The following MROH2A variants were observed in gnomAD, a reference collection of about 807,000 sequenced individuals.
MROH2A encodes maestro heat-like repeat-containing protein family member 2A.
A neutral mutation model predicts 200.4 loss-of-function variants in MROH2A; 174 were observed. That is an observed-to-expected ratio of 0.87 (90% CI 0.77 to 0.98). The LOEUF is 0.98. Ranked by LOEUF, MROH2A falls within the 50% of genes least tolerant of loss-of-function variation. The pLI, the probability that MROH2A is intolerant of heterozygous loss-of-function variation, is 0.00. For synonymous variants in MROH2A, 829 were observed against 840.4 expected (o/e 0.99, Z 0.23); for missense variants, 2,045 against 2,139.6 (o/e 0.96, Z 0.87).
Position 233,828,863 on chromosome 2 carries a change from G to A in MROH2A, c.4264-27G>A, listed in dbSNP as rs1158490737. The A allele has an allele frequency of 5.2e-6, 8 of 1,550,158 alleles. No homozygotes were observed. The Admixed American group carries it at 1.6e-4, about 30-fold the overall frequency. ...TGGTCAGCCTGGGAGGGAGGGTGCA[G>A]GCTGAGGGCTGCCCATGCCCCTCCA... On this transcript the variant is annotated intron_variant, in intron 36 of 41. Coordinates refer to ENST00000389758, the MANE Select transcript of MROH2A (RefSeq NM_001394639.1). This position sits in a 1 kb window ranked among gnomAD's most constrained non-coding sequence, Gnocchi z 4.6.
At chr2:233,795,142 G>A (rs149596642) in intron 8 of MROH2A, among the ~76,000 whole-genome samples, 19 of 152,266 alleles carry the variant, frequency 1.2e-4, no homozygotes, top group Admixed American at 3.3e-4. Context: ...GATTCTGGGC[G>A]AGCCTGAATT....
Position 233,832,656 on chromosome 2 carries a change from A to G in MROH2A, c.4903+12A>G. ...AGCATTACGGAATTGTGAGTAGTGG[A>G]GAGTGTTAGATGTTGAGTCCACGAC... is the stretch of plus-strand genomic sequence containing the variant. On this transcript the variant is annotated intron_variant, in intron 41 of 41. Transcript: ENST00000389758. 1 of 1,534,794 alleles carries G rather than the reference A, an allele frequency of 6.5e-7. No individual in the cohort carries two copies. Among genetic ancestry groups the G allele is most frequent in the Non-Finnish European group, 8.8e-7 (1 of 1,134,164 alleles).
At chr2:233,814,164 A>G (rs138904253) in intron 25 of MROH2A, among the ~76,000 whole-genome samples, 8 of 152,336 alleles carry the variant, frequency 5.3e-5, no homozygotes, top group African/African-American at 1.9e-4. Context: ...GAGAAAGTCT[A>G]GGGAAGACTT....
In MROH2A at chr2:233,811,926, G is replaced by A. The variant is rs116409079; in HGVS notation, c.2618G>A (p.Arg873Gln). 1,547 of 1,550,314 alleles carry A rather than the reference G, an allele frequency of 1.0e-3. 4 individuals are homozygous for A. The African/African-American group carries it at 0.014, about 14-fold the overall frequency. The change falls in exon 24 of 42, where the codon CGA (arginine) becomes CAA (glutamine). Residue 873 changes from arginine to glutamine, a missense_variant. Arg to Gln is a conservative substitution (Grantham distance 43). Around this residue, in one of 3 missense-constraint regions of MROH2A, gnomAD observed 1,201 missense variants for 1,311.3 expected, o/e 0.92. Coordinates refer to ENST00000389758, the MANE Select transcript of MROH2A (RefSeq NM_001394639.1). ...ACTGACAACCTGGTTTCTCCAGTGCGAGCCTTGGCGATGGAGGCCCTCTCG... is the reference window on the plus strand; with the variant it reads ...ACTGACAACCTGGTTTCTCCAGTGCAAGCCTTGGCGATGGAGGCCCTCTCG... Reference protein sequence around the residue: ...EPTDNLVSPVRALAMEALSHL... With the variant: ...EPTDNLVSPVQALAMEALSHL...
At chr2:233,821,754 TATA>T (rs35126223) in intron 31 of MROH2A, among the ~76,000 whole-genome samples, 11,478 of 152,044 alleles carry the variant, frequency 0.075, 823 homozygotes, top group African/African-American at 0.18. Flanking sequence ...GGTTAGGTGA[TATA>T]ATATCAGAAA....
intron 40 of MROH2A, 149 bp from the exon 41 acceptor site, chr2:233,832,430 C>T (rs1704828603): frequency 1.1e-6 from 1 of 951,844 alleles, no homozygotes; most frequent in Non-Finnish European, 1.6e-6. Flanking sequence ...GCTTTCTATC[C>T]CGTTTTGATT....
At chr2:233,805,459 A>G (rs774917673) in intron 19 of MROH2A, among the ~76,000 whole-genome samples, 4 of 152,230 alleles carry the variant, frequency 2.6e-5, no homozygotes, top group Non-Finnish European at 5.9e-5. Flanking sequence ...GAAAGATGCT[A>G]TAGTTCAAAT....
chr2:233,831,158 C>G (rs796722533), intron 38 of MROH2A, among the ~76,000 whole-genome samples: 2 of 152,266 alleles, frequency 1.3e-5, no homozygotes, highest in African/African-American at 4.8e-5. Context: ...GCTGAGGGCA[C>G]GAAGGTGCTG....
At chr2:233,778,211 A>G (rs1700764912), upstream of MROH2A, 1 of 153,894 alleles carries the variant, frequency 6.5e-6, no homozygotes, top group Admixed American at 6.5e-5. Context: ...AGCCCTGTGC[A>G]CTCTTCAAAG....
chr2:233,793,624 G>T, intron 6 of MROH2A, 49 bp from the exon 7 acceptor site: 1 of 1,337,442 alleles, frequency 7.5e-7, no homozygotes, highest in Non-Finnish European at 9.6e-7. Context: ...GCTTGGTTCT[G>T]CTTCCAGCCC....
At chr2:233,819,211 G>GGA in intron 29 of MROH2A, 106 bp from the exon 30 acceptor site, 1 of 1,178,272 alleles carries the variant, frequency 8.5e-7, no homozygotes, top group Non-Finnish European at 1.2e-6. Context: ...GTCTGAGAGA[G>GGA]GATAGGAGCC....
At position 233,807,627 on chromosome 2, in the gene MROH2A, T is replaced by TGC. The variant is rs372491914; in HGVS notation, c.2172+86_2172+87insCG. 2 of 1,308,282 alleles carry TGC rather than the reference T, an allele frequency of 1.5e-6. No homozygotes were observed. The highest frequency in any genetic ancestry group is 3.1e-5 in the East Asian group (1 of 32,738). 81.0% of individuals were successfully genotyped at this position (1,308,282 alleles called of 1,614,324 possible). ...TGTGTTCATGTGGCTGCATGCGTTTTGTGTGTGTGTGTGTACATGTGTGTG... is the reference window on the plus strand; with the variant it reads ...TGTGTTCATGTGGCTGCATGCGTTTTGCGTGTGTGTGTGTGTACATGTGTGTG... On this transcript the variant is annotated intron_variant, in intron 20 of 41. Coordinates refer to ENST00000389758, the MANE Select transcript of MROH2A (RefSeq NM_001394639.1). The surrounding 1 kb of genome is among the most constrained non-coding windows in gnomAD (Gnocchi z 4.3).
rs1300030794 is a variant in MROH2A, at chr2:233,779,837, C to A, written c.261C>A (p.Cys87Ter). 4 of 1,549,728 alleles carry A rather than the reference C, an allele frequency of 2.6e-6. No individual in the cohort carries two copies. In the African/African-American group the frequency reaches 5.5e-5, roughly 21 times the overall value. The stretch of plus-strand genomic sequence containing the variant: ...TAGTGATAAACACTCTCATCCGCTG[C>A]CTGCAGGTGCCAGAGGTAGGGCCAT... ...PSVVINTLIRCLQVPEISTQR... is the reference protein window; with the variant it reads ...PSVVINTLIR The change falls in exon 3 of 42, where the codon TGC becomes TGA. Residue 87 changes from cysteine (C) to a stop codon, truncating the protein, a stop_gained. Coordinates refer to ENST00000389758, the MANE Select transcript of MROH2A (RefSeq NM_001394639.1). LOFTEE classifies it high-confidence loss of function.
intron 26 of MROH2A, among the ~76,000 whole-genome samples, chr2:233,816,351 T>A (rs567862036): frequency 6.6e-6 from 1 of 152,242 alleles, no homozygotes; most frequent in Non-Finnish European, 1.5e-5. Context: ...CTTCATGTAT[T>A]ATTTAGCTAT....
At chr2:233,783,915 T>C (rs909377443) in intron 3 of MROH2A, among the ~76,000 whole-genome samples, 48 of 152,176 alleles carry the variant, frequency 3.2e-4, no homozygotes, top group African/African-American at 1.2e-3. Context: ...TCTGATTTTA[T>C]TTATTTGGGT....
intron 35 of MROH2A, among the ~76,000 whole-genome samples, chr2:233,826,960 CAT>C (rs1161852364): frequency 2.0e-5 from 3 of 152,126 alleles, no homozygotes; most frequent in Non-Finnish European, 4.4e-5. Context: ...AGCGAATAAA[CAT>C]ATGAAAAAAA....
Position 233,819,431 on chromosome 2 carries a change from T to C in MROH2A, c.3319T>C (p.Phe1107Leu). ...HDKASVTWIAFFLQMRAKELE... is the reference protein window; with the variant it reads ...HDKASVTWIALFLQMRAKELE... ...CAAGGCCTCTGTCACCTGGATAGCCTTCTTCCTCCAGATGCGGGCCAAGGA... is the reference window on the plus strand; with the variant it reads ...CAAGGCCTCTGTCACCTGGATAGCCCTCTTCCTCCAGATGCGGGCCAAGGA... The change falls in exon 30 of 42, where the codon TTC becomes CTC. Residue 1107 changes from phenylalanine to leucine, a missense_variant. By Grantham distance (22) the Phe-to-Leu change is conservative. Coordinates refer to ENST00000389758, the MANE Select transcript of MROH2A (RefSeq NM_001394639.1). 1 of 1,550,458 alleles carries C rather than the reference T, an allele frequency of 6.4e-7. No individual in the cohort carries two copies. Among genetic ancestry groups the C allele is most frequent in the Non-Finnish European group, 8.7e-7 (1 of 1,146,926 alleles).
rs1252796646 is a variant in MROH2A, at chr2:233,807,338, A to C, written c.2053-85A>C. The C allele has an allele frequency of 2.9e-6, 4 of 1,361,928 alleles. No individual in the cohort carries two copies. In the African/African-American group the frequency reaches 5.9e-5, roughly 20 times the overall value. 84.4% of individuals were successfully genotyped at this position (1,361,928 alleles called of 1,614,324 possible). ...TCTGCACATTAAAATAAATTGAAAA[A>C]TACGTAGAAAACTCTCTACAACAGC... On this transcript the variant is annotated intron_variant, in intron 19 of 41. Coordinates refer to ENST00000389758, the MANE Select transcript of MROH2A (RefSeq NM_001394639.1). The surrounding 1 kb of genome is among the most constrained non-coding windows in gnomAD (Gnocchi z 4.3).
At chr2:233,816,089 T>C (rs1559472076) in intron 26 of MROH2A, among the ~76,000 whole-genome samples, 1 of 152,198 alleles carries the variant, frequency 6.6e-6, no homozygotes, top group Non-Finnish European at 1.5e-5. Context: ...TTGACTGAGA[T>C]TTATTTTGTT....
Sources: gnomAD v4.1 joint callset for allele counts (sites outside exome capture counted in the v4.1 genomes callset) on GRCh38, gnomAD v4.1.1 for gene constraint, gnomAD v4.1.1 regional missense constraint, Gnocchi (gnomAD v3.1) non-coding constraint, MANE v1.5 for transcripts, NCBI Gene and HGNC (gene_info 2026-07-23, HGNC 2026-07-21) for gene names.